The following CALD1 variants were observed in gnomAD, a reference collection of about 807,000 sequenced individuals.
The protein encoded by CALD1 is caldesmon.
Under a neutral mutation model 99.9 loss-of-function variants are expected in CALD1, and 33 were observed. The ratio of observed to expected loss-of-function variants is 0.33; its 90% confidence interval spans 0.25 to 0.44. The LOEUF is 0.44. Ranked by LOEUF, CALD1 falls within the 20% of genes least tolerant of loss-of-function variation. The pLI is 1.00. For synonymous variants in CALD1, 310 were observed against 325.0 expected (o/e 0.95, Z 0.50); for missense variants, 861 against 962.1 (o/e 0.89, Z 1.39).
At chr7:134,772,314 C>G (rs1290399430) in intron 1 of CALD1, among the ~76,000 whole-genome samples, 1 of 152,092 alleles carries the variant, frequency 6.6e-6, no homozygotes, top group African/African-American at 2.4e-5. Flanking sequence ...AGGCTGGCCT[C>G]AAACTCCTGG....
the CALD1 span, among the ~76,000 whole-genome samples, chr7:134,726,393 ATATAT>A: frequency 7.4e-5 from 10 of 135,984 alleles, no homozygotes; most frequent in Admixed American, 2.5e-4. Flanking sequence ...ATATCTTTTT[ATATAT>A]TATATTATAT....
Position 134,803,205 on chromosome 7 carries a change from C to T in CALD1, c.-130+23456C>T, listed in dbSNP as rs980687756. Reference sequence around the variant, plus strand: ...ATATCTTCTATGAAGGATTTATTCACGTTTCTTGCCCAATCTTTAAATTAA... The same window carrying T: ...ATATCTTCTATGAAGGATTTATTCATGTTTCTTGCCCAATCTTTAAATTAA... On this transcript the variant is annotated intron_variant, in intron 1 of 14. Coordinates refer to ENST00000361675, the MANE Select transcript of CALD1 (RefSeq NM_033138.4). 6.7e-4 allele frequency among the ~76,000 whole-genome samples: 102 copies of T among 152,108 alleles called. 1 individual carries two copies. Among genetic ancestry groups the T allele is most frequent in the African/African-American group, 2.1e-3 (89 of 41,500 alleles).
At chr7:134,831,324 C>T (rs1799210675) in intron 1 of CALD1, among the ~76,000 whole-genome samples, 1 of 151,906 alleles carries the variant, frequency 6.6e-6, no homozygotes, top group East Asian at 1.9e-4. Flanking sequence ...TGCATAATTT[C>T]TTTCTTTTTT....
rs114017702 is a variant in CALD1, at chr7:134,751,995, T to C, written c.-130+7632T>C. Among the ~76,000 whole-genome samples, 350 of 152,282 alleles carry C rather than the reference T, an allele frequency of 2.3e-3. 2 individuals carry two copies. The highest frequency in any genetic ancestry group is 7.9e-3 in the African/African-American group (329 of 41,554). On this transcript the variant is annotated intron_variant, in intron 1 of 13. Coordinates refer to the CALD1 transcript ENST00000417172. ...GTTTCAAAAAAAAAAGTTTGTCATC[T>C]ATACTCTTGAGTCCTTTGATTCCTC...
chr7:134,764,939 A>G (rs572531314), intron 1 of CALD1, among the ~76,000 whole-genome samples: 3 of 152,344 alleles, frequency 2.0e-5, no homozygotes, highest in Admixed American at 2.0e-4. Flanking sequence ...ATTCCCCTAA[A>G]ATGCTCAGCC....
chr7:134,847,545 G>C (rs570521105), intron 2 of CALD1, among the ~76,000 whole-genome samples: 1 of 152,296 alleles, frequency 6.6e-6, no homozygotes, highest in African/African-American at 2.4e-5. Context: ...TTTGGTTAAG[G>C]ATTGAGGGGA....
chr7:134,767,926 T>C (rs936185579), intron 1 of CALD1, among the ~76,000 whole-genome samples: 1 of 152,180 alleles, frequency 6.6e-6, no homozygotes, highest in Non-Finnish European at 1.5e-5. Context: ...AATAAACAAA[T>C]GAATAGCTGA....
intron 9 of CALD1, among the ~76,000 whole-genome samples, chr7:134,953,662 TTTTTTTG>T (rs1413406815): frequency 7.7e-6 from 1 of 130,022 alleles, no homozygotes; most frequent in Non-Finnish European, 1.7e-5. Context: ...TGTGGTTTTT[TTTTTTTG>T]TTTTTTTTTT....
At chr7:134,854,958 T>A (rs971903441) in intron 2 of CALD1, among the ~76,000 whole-genome samples, 10 of 152,168 alleles carry the variant, frequency 6.6e-5, no homozygotes, top group Non-Finnish European at 1.2e-4. Context: ...AAGTTATGGC[T>A]GTTTAAAAGT....
chr7:134,721,531 G>A, the CALD1 span, among the ~76,000 whole-genome samples: 1 of 151,910 alleles, frequency 6.6e-6, no homozygotes, highest in East Asian at 1.9e-4. Context: ...TAGTAGAACA[G>A]TTTACTGGGT....
At chr7:134,913,801 T>C (rs1048957960) in intron 3 of CALD1, among the ~76,000 whole-genome samples, 6 of 152,246 alleles carry the variant, frequency 3.9e-5, no homozygotes, top group Non-Finnish European at 7.3e-5. Context: ...AGAGGTGTGG[T>C]TGTATTCCTA....
chr7:134,727,888 GT>G, the CALD1 span, among the ~76,000 whole-genome samples: 1 of 152,144 alleles, frequency 6.6e-6, no homozygotes, highest in African/African-American at 2.4e-5. Context: ...CAAATGAGTG[GT>G]CTTCCATAAG....
At position 134,770,981 on chromosome 7, in the gene CALD1, CT is replaced by C. The variant is rs563528098; in HGVS notation, c.-130+26619del. Reference sequence around the variant, plus strand: ...TAACAATAACCCAATCTATCACAAGCTGTATTGTTTGAAAAGTTAAATAATA... The same window carrying C: ...TAACAATAACCCAATCTATCACAAGCGTATTGTTTGAAAAGTTAAATAATA... On this transcript the variant is annotated intron_variant, in intron 1 of 13. Coordinates refer to the CALD1 transcript ENST00000417172. 2.6e-4 allele frequency among the ~76,000 whole-genome samples: 40 copies of C among 152,322 alleles called. 1 individual carries two copies. The South Asian group carries it at 8.3e-3, about 32-fold the overall frequency.
chr7:134,875,586 G>A (rs1022239119), intron 3 of CALD1, among the ~76,000 whole-genome samples: 1 of 152,176 alleles, frequency 6.6e-6, no homozygotes, highest in Non-Finnish European at 1.5e-5. Context: ...GCAGTGAGCC[G>A]AGATCACGCC....
chr7:134,968,479 A>G lies in CALD1; in HGVS notation c.*134A>G. The stretch of plus-strand genomic sequence containing the variant: ...CTTTTATTTTTCAATATCCCAGTAA[A>G]CCCATGTATATTATCACTATATTTA... On this transcript the variant is annotated 3_prime_UTR_variant, in exon 15 of 15. Transcript: ENST00000361675. The G allele has an allele frequency of 1.3e-6, 1 of 765,034 alleles. No homozygotes were observed. The highest frequency in any genetic ancestry group is 2.3e-6 in the Non-Finnish European group (1 of 427,486). 47.4% of individuals were successfully genotyped at this position (765,034 alleles called of 1,614,324 possible).
At chr7:134,862,456 C>T (rs559676270) in intron 2 of CALD1, among the ~76,000 whole-genome samples, 2 of 152,164 alleles carry the variant, frequency 1.3e-5, no homozygotes, top group East Asian at 3.9e-4. Flanking sequence ...GTGGAATAAG[C>T]CAATCAGAAA....
intron 7 of CALD1, 118 bp downstream of exon 7, chr7:134,941,355 T>C (rs1263562832): frequency 5.2e-6 from 4 of 776,664 alleles, no homozygotes; most frequent in African/African-American, 3.5e-5. Context: ...CAGCATGCTT[T>C]TGTTGTGAGG....
chr7:134,804,826 G>A (rs760606683), intron 1 of CALD1, among the ~76,000 whole-genome samples: 6 of 152,284 alleles, frequency 3.9e-5, no homozygotes, highest in South Asian at 2.1e-4. Flanking sequence ...CTCCTTGCCC[G>A]CTTCCTAGAC....
intron 1 of CALD1, among the ~76,000 whole-genome samples, chr7:134,809,886 G>A (rs1798290851): frequency 6.6e-6 from 1 of 152,102 alleles, no homozygotes; most frequent in African/African-American, 2.4e-5. Flanking sequence ...AAAAAATTAA[G>A]CTATACAGAC....
Sources: allele counts gnomAD v4.1 joint callset (sites outside exome capture counted in the v4.1 genomes callset), GRCh38; gene constraint gnomAD v4.1.1; transcripts MANE v1.5; gene names NCBI Gene and HGNC (gene_info 2026-07-23, HGNC 2026-07-21).